The following TMC1 variants were observed in gnomAD, a reference collection of about 807,000 sequenced individuals.
TMC1 encodes transmembrane channel-like protein 1.
Under a neutral mutation model 105.8 loss-of-function variants are expected in TMC1, and 84 were observed. The ratio of observed to expected loss-of-function variants is 0.79; its 90% CI spans 0.67 to 0.95. The LOEUF is 0.95. TMC1 is among the 40% of genes least tolerant of loss of function. TMC1 has a pLI of 0.00. For missense variants in TMC1, 817 were observed against 914.1 expected, an observed-to-expected ratio of 0.89 and a Z score of 1.37; for synonymous variants, 315 against 311.5, an observed-to-expected ratio of 1.01 and a Z score of -0.12.
intron 3 of TMC1, among the ~76,000 whole-genome samples, chr9:72,620,930 G>T (rs1825237412): frequency 6.6e-6 from 1 of 152,142 alleles, no homozygotes; most frequent in Non-Finnish European, 1.5e-5. Context: ...ACTATGCCTG[G>T]TGTAAACACT....
At chr9:72,648,060 T>C (rs937309265) in intron 4 of TMC1, among the ~76,000 whole-genome samples, 6 of 152,138 alleles carry the variant, frequency 3.9e-5, no homozygotes, top group Non-Finnish European at 8.8e-5. Flanking sequence ...TTCAGAAAAG[T>C]TGAGAAAATA....
At chr9:72,731,626 C>T (rs1309179197) in intron 8 of TMC1, among the ~76,000 whole-genome samples, 1 of 152,076 alleles carries the variant, frequency 6.6e-6, no homozygotes, top group Non-Finnish European at 1.5e-5. Flanking sequence ...CATCAATTTC[C>T]TGCTCAAAAA....
At chr9:72,527,737 A>G (rs770408584) in intron 1 of TMC1, among the ~76,000 whole-genome samples, 1 of 152,148 alleles carries the variant, frequency 6.6e-6, no homozygotes, top group Non-Finnish European at 1.5e-5. Flanking sequence ...TTCTGTTGCC[A>G]CTGCTACCAA....
rs1588054424 is a variant in TMC1, at chr9:72,731,579, T to C, written c.363-8540T>C. 2.0e-5 allele frequency among the ~76,000 whole-genome samples: 3 copies of C among 152,222 alleles called. No homozygotes were observed. The East Asian group carries it at 5.8e-4, about 29-fold the overall frequency. On this transcript the variant is annotated intron_variant, in intron 8 of 23. Coordinates refer to ENST00000297784, the MANE Select transcript of TMC1 (RefSeq NM_138691.3). ...TTTCTCTAACTTATCTTGTATATCA[T>C]TGTTGAAACATTTTTCTCACAGCAC...
At chr9:72,628,145 C>T in intron 4 of TMC1, 82 bp downstream of exon 4, 1 of 453,568 alleles carries the variant, frequency 2.2e-6, no homozygotes, top group South Asian at 1.6e-5. Flanking sequence ...TTTAATCACG[C>T]AGGATTGTAT....
At position 72,699,345 on chromosome 9, in the gene TMC1, G is replaced by T. The variant is rs569938929; in HGVS notation, c.237-1173G>T. ...TCACTTCCACCAAATATATTTCAAG[G>T]TGAATTTTACCAAATGAAGTTATAA... On this transcript the variant is annotated intron_variant, in intron 7 of 23. Transcript: ENST00000297784. Among the ~76,000 whole-genome samples the T allele has an allele frequency of 5.9e-5, 9 of 152,190 alleles. No individual in the cohort carries two copies. In the South Asian group the frequency reaches 1.9e-3, roughly 31 times the overall value.
At chr9:72,550,958 C>T (rs552124308) in intron 1 of TMC1, among the ~76,000 whole-genome samples, 16 of 152,136 alleles carry the variant, frequency 1.1e-4, no homozygotes, top group African/African-American at 3.6e-4. Flanking sequence ...GCAGAAAAGC[C>T]AAAGGAGATG....
intron 13 of TMC1, among the ~76,000 whole-genome samples, chr9:72,786,863 T>C (rs1170800976): frequency 6.6e-6 from 1 of 152,174 alleles, no homozygotes; most frequent in African/African-American, 2.4e-5. Flanking sequence ...TAAAACTCCA[T>C]TCAAAACTTA....
chr9:72,827,969 G>A (rs1226475115), intron 21 of TMC1, among the ~76,000 whole-genome samples: 1 of 152,164 alleles, frequency 6.6e-6, no homozygotes, highest in Non-Finnish European at 1.5e-5. Flanking sequence ...AGTAGTGAGG[G>A]CAGGTTTATC....
intron 2 of TMC1, among the ~76,000 whole-genome samples, chr9:72,607,304 AT>A (rs1485834632): frequency 6.6e-6 from 1 of 152,164 alleles, no homozygotes; most frequent in African/African-American, 2.4e-5. Context: ...ACATGGTTGT[AT>A]TTGAGCTAAA....
intron 4 of TMC1, among the ~76,000 whole-genome samples, chr9:72,634,183 A>C (rs1825495206): frequency 6.6e-6 from 1 of 152,118 alleles, no homozygotes; most frequent in East Asian, 1.9e-4. Flanking sequence ...TCTGGGTGGA[A>C]GTTTCTGCGT....
intron 8 of TMC1, among the ~76,000 whole-genome samples, chr9:72,738,564 C>G (rs981650635): frequency 6.6e-6 from 1 of 152,060 alleles, no homozygotes; most frequent in African/African-American, 2.4e-5. Context: ...ACTACAGGTA[C>G]ACACCACCAC....
chr9:72,651,831 T>C (rs780695302), intron 5 of TMC1, among the ~76,000 whole-genome samples: 4 of 152,072 alleles, frequency 2.6e-5, no homozygotes, highest in Admixed American at 2.0e-4. Flanking sequence ...TCTTTAGTGG[T>C]GATTTCTGAG....
chr9:72,818,441 A>C (rs1388363398), intron 19 of TMC1, among the ~76,000 whole-genome samples: 1 of 152,250 alleles, frequency 6.6e-6, no homozygotes, highest in East Asian at 1.9e-4. Context: ...GAAAGCACAG[A>C]ATATCTTTAT....
intron 23 of TMC1, among the ~76,000 whole-genome samples, chr9:72,830,957 C>T (rs900710184): frequency 2.6e-5 from 4 of 152,042 alleles, no homozygotes; most frequent in African/African-American, 9.6e-5. Context: ...TGAAAATGCG[C>T]AGAAAATGAA....
At chr9:72,649,299 A>G (rs1825763704) in intron 5 of TMC1, among the ~76,000 whole-genome samples, 1 of 152,204 alleles carries the variant, frequency 6.6e-6, no homozygotes, top group East Asian at 1.9e-4. Context: ...TGTAGCTTAC[A>G]CTTGGATCTA....
chr9:72,615,046 T>A (rs1825104897), intron 2 of TMC1, among the ~76,000 whole-genome samples: 1 of 152,202 alleles, frequency 6.6e-6, no homozygotes. Context: ...TGATCCTGCA[T>A]ACCAGTGAAA....
intron 4 of TMC1, among the ~76,000 whole-genome samples, chr9:72,644,726 C>G (rs1281455854): frequency 6.6e-6 from 1 of 151,990 alleles, no homozygotes; most frequent in Non-Finnish European, 1.5e-5. Flanking sequence ...TTTTCCTATT[C>G]CAAGTAATTT....
chr9:72,816,044 G>C (rs1828781990), intron 18 of TMC1, 99 bp from the exon 19 acceptor site: 3 of 973,690 alleles, frequency 3.1e-6, no homozygotes, highest in Non-Finnish European at 5.0e-6. Context: ...GTTGCTGAAG[G>C]GAAGTAATTG....
Sources: gnomAD v4.1 joint callset for allele counts (sites outside exome capture counted in the v4.1 genomes callset) on GRCh38, gnomAD v4.1.1 for gene constraint, MANE v1.5 for transcripts, NCBI Gene and HGNC (gene_info 2026-07-23, HGNC 2026-07-21) for gene names.